GOLM1: variants seen among roughly 807,000 people sequenced by gnomAD.
The protein encoded by GOLM1 is epididymis luminal protein 46.
A neutral mutation model predicts 50.5 loss-of-function variants in GOLM1; 31 were observed. The ratio of observed to expected loss-of-function variants is 0.61; its 90% CI spans 0.46 to 0.83. The LOEUF is 0.83. GOLM1 is among the 40% of genes least tolerant of loss of function. GOLM1 has a pLI of 0.00. For synonymous variants in GOLM1, 178 were observed against 192.8 expected (o/e 0.92, Z 0.64); for missense variants, 491 against 501.3 (o/e 0.98, Z 0.20).
At chr9:86,038,388 G>A (rs1453685096) in intron 6 of GOLM1, among the ~76,000 whole-genome samples, 2 of 152,052 alleles carry the variant, frequency 1.3e-5, no homozygotes, top group African/African-American at 2.4e-5. Context: ...CGGCCCTCAC[G>A]AGGAGCGCAT....
Position 86,040,672 on chromosome 9 carries a change from A to C in GOLM1, c.597+67T>G. Reference sequence around the variant, plus strand: ...ATCCAGAGAAAGCCAGGCGGCACATAAAAGAAACAAAATGCCTGAAGATAG... The same window carrying C: ...ATCCAGAGAAAGCCAGGCGGCACATCAAAGAAACAAAATGCCTGAAGATAG... On this transcript the variant is annotated intron_variant, in intron 6 of 9. Coordinates refer to ENST00000388712, the MANE Select transcript of GOLM1 (RefSeq NM_016548.4). 5 of 1,491,488 alleles carry C rather than the reference A, an allele frequency of 3.4e-6. No homozygotes were observed. The South Asian group carries it at 6.3e-5, about 19-fold the overall frequency. The allele number at this position is 1,491,488 out of a possible 1,614,324, so 92.4% of individuals were successfully genotyped here.
In GOLM1 at chr9:86,049,236, G is replaced by A. The variant is rs980326716; in HGVS notation, c.365-2664C>T. Among the ~76,000 whole-genome samples, 7 of 152,126 alleles carry A rather than the reference G, an allele frequency of 4.6e-5. No individual in the cohort carries two copies. The South Asian group carries it at 6.2e-4, about 14-fold the overall frequency. ...TTCTGTTCCAATGGTCTATATCTCTGTTTTGGTACCAGTACCATGCTGCTT... is the reference window on the plus strand; with the variant it reads ...TTCTGTTCCAATGGTCTATATCTCTATTTTGGTACCAGTACCATGCTGCTT... On this transcript the variant is annotated intron_variant, in intron 4 of 9. Transcript: ENST00000388712.
intron 7 of GOLM1, among the ~76,000 whole-genome samples, chr9:86,035,868 AAAAAAAAAACAAAAC>A (rs748453973): frequency 0.052 from 7,491 of 143,282 alleles, 530 homozygotes; most frequent in Non-Finnish European, 0.062. Flanking sequence ...TAGCTTACCA[AAAAAAAAAACAAAAC>A]AAAAAAAAAA....
chr9:86,085,143 C>T (rs1247627414), intron 1 of GOLM1: 1 of 152,170 alleles, frequency 6.6e-6, no homozygotes, highest in Non-Finnish European at 1.5e-5. Flanking sequence ...AGGAGAATGC[C>T]TGTTTTCCGA....
intron 9 of GOLM1, among the ~76,000 whole-genome samples, chr9:86,029,558 CTA>C (rs1832904926): frequency 6.6e-6 from 1 of 152,170 alleles, no homozygotes; most frequent in African/African-American, 2.4e-5. Context: ...TGATTTATAA[CTA>C]TGGCACATTA....
Position 86,033,409 on chromosome 9 carries a change from A to C in GOLM1, c.1016-14T>G. 7.0e-7 allele frequency: 1 copy of C among 1,426,976 alleles called. No individual in the cohort carries two copies. The allele number at this position is 1,426,976 out of a possible 1,614,324, so 88.4% of individuals were successfully genotyped here. ...GCTGGTTTCTCCCTGTAAAATTAGC[A>C]CATAAAACATAAGCTACATCATTTC... is the stretch of plus-strand genomic sequence containing the variant. On this transcript the variant is annotated splice_polypyrimidine_tract_variant and intron_variant, in intron 8 of 9. Transcript: ENST00000388712.
At chr9:86,084,598 G>A (rs1024260246) in intron 1 of GOLM1, among the ~76,000 whole-genome samples, 1 of 152,136 alleles carries the variant, frequency 6.6e-6, no homozygotes, top group Admixed American at 6.5e-5. Context: ...ACAGGGTAAA[G>A]GGTATATAGG....
At chr9:86,079,775 C>G (rs1429981381) in intron 1 of GOLM1, 1 of 154,178 alleles carries the variant, frequency 6.5e-6, no homozygotes, top group African/African-American at 2.4e-5. Context: ...ATATTAAGTG[C>G]TTCCGCATCA....
In GOLM1 at chr9:86,026,289, A is replaced by AAGAGT; in HGVS notation, c.*1523_*1527dup. ...AAAGTGAGGCTGGAAGAGGACTTAG[A>AAGAGT]AGAGTATGAAAGTACTCTAAGATTT... On this transcript the variant is annotated 3_prime_UTR_variant, in exon 10 of 10. Coordinates refer to ENST00000388712, the MANE Select transcript of GOLM1 (RefSeq NM_016548.4). 1.0e-6 allele frequency: 1 copy of AAGAGT among 985,030 alleles called. No individual in the cohort carries two copies. The highest frequency in any genetic ancestry group is 1.2e-6 in the Non-Finnish European group (1 of 829,568). The allele number at this position is 985,030 out of a possible 1,614,324, so 61.0% of individuals were successfully genotyped here.
At chr9:86,088,224 C>A (rs976176771) in intron 1 of GOLM1, among the ~76,000 whole-genome samples, 1 of 151,722 alleles carries the variant, frequency 6.6e-6, no homozygotes, top group Non-Finnish European at 1.5e-5. Flanking sequence ...AGTTTATTTG[C>A]GTAGAGGTGT....
At chr9:86,049,229 T>C (rs536438694) in intron 4 of GOLM1, among the ~76,000 whole-genome samples, 1 of 152,334 alleles carries the variant, frequency 6.6e-6, no homozygotes, top group Non-Finnish European at 1.5e-5. Flanking sequence ...CAATGGTCTA[T>C]ATCTCTGTTT....
At chr9:86,054,418 T>C (rs920245792) in intron 3 of GOLM1, among the ~76,000 whole-genome samples, 1 of 152,052 alleles carries the variant, frequency 6.6e-6, no homozygotes, top group Non-Finnish European at 1.5e-5. Context: ...GAGATGGGGT[T>C]TCACCATGTT....
At chr9:86,097,978 C>A (rs1338058283) in intron 1 of GOLM1, among the ~76,000 whole-genome samples, 1 of 152,168 alleles carries the variant, frequency 6.6e-6, no homozygotes, top group Non-Finnish European at 1.5e-5. Flanking sequence ...CAGATGGTAT[C>A]CCTGGCCCTT....
chr9:86,047,638 C>T (rs1246153343), intron 4 of GOLM1, among the ~76,000 whole-genome samples: 1 of 152,124 alleles, frequency 6.6e-6, no homozygotes, highest in Non-Finnish European at 1.5e-5. Context: ...AGGACTTATC[C>T]AACTGTACCC....
intron 3 of GOLM1, 83 bp downstream of exon 3, chr9:86,077,329 G>T (rs1834648793): frequency 3.6e-6 from 4 of 1,110,198 alleles, no homozygotes; most frequent in East Asian, 2.4e-5. Flanking sequence ...CCAGCCGCTT[G>T]CTCATCCTCC....
At chr9:86,048,004 TTTCTC>T (rs1833609277) in intron 4 of GOLM1, among the ~76,000 whole-genome samples, 1 of 151,650 alleles carries the variant, frequency 6.6e-6, no homozygotes, top group South Asian at 2.1e-4. Flanking sequence ...CAATAGGTAA[TTTCTC>T]TTAAAGCCAT....
chr9:86,028,373 G>A (rs1832852786), intron 9 of GOLM1, among the ~76,000 whole-genome samples: 1 of 152,186 alleles, frequency 6.6e-6, no homozygotes, highest in South Asian at 2.1e-4. Flanking sequence ...AGGGAAATTC[G>A]GCCAAGGACA....
rs1302980129 is a variant in GOLM1 at position 86,027,418 on chromosome 9, C to T, written c.*399G>A. 1.5e-5 allele frequency: 15 copies of T among 1,016,310 alleles called. No individual in the cohort carries two copies. Among genetic ancestry groups the T allele is most frequent in the South Asian group, 4.0e-5 (1 of 24,922 alleles). The allele number at this position is 1,016,310 out of a possible 1,614,324, so 63.0% of individuals were successfully genotyped here. A position where few individuals can be genotyped will look rare whatever the true frequency, so the allele number is the denominator to read the frequency against. On this transcript the variant is annotated 3_prime_UTR_variant, in exon 10 of 10. Coordinates refer to ENST00000388712, the MANE Select transcript of GOLM1 (RefSeq NM_016548.4). The stretch of plus-strand genomic sequence containing the variant: ...CACTTGGTACAGCACGTGGACAGGA[C>T]GACGGAACCCAGAGTTCTCTGTCTC...
rs1450598098 is a variant in GOLM1 at position 86,099,518 on chromosome 9, C to G, written c.-129G>C. ...CCTCGAGCTCCGGCCGGCTCCGCGC[C>G]GTGCGCCCAGCGCCTCCGCGTCCAG... On this transcript the variant is annotated 5_prime_UTR_variant, in exon 1 of 10. Transcript: ENST00000388712. 1 of 149,402 alleles carries G rather than the reference C, an allele frequency of 6.7e-6. No homozygotes were observed. Among genetic ancestry groups the G allele is most frequent in the Admixed American group, 6.7e-5 (1 of 15,012 alleles). 9.3% of individuals were successfully genotyped at this position (149,402 alleles called of 1,614,324 possible). A position where few individuals can be genotyped will look rare whatever the true frequency, so the allele number is the denominator to read the frequency against.
Sources: gnomAD v4.1 joint callset for allele counts (sites outside exome capture counted in the v4.1 genomes callset) on GRCh38, gnomAD v4.1.1 for gene constraint, MANE v1.5 for transcripts, NCBI Gene and HGNC (gene_info 2026-07-23, HGNC 2026-07-21) for gene names.